The following PPM1B variants were observed in gnomAD, a reference collection of about 807,000 sequenced individuals.
The protein encoded by PPM1B is protein phosphatase 1B.
PPM1B carries 22 observed loss-of-function variants against 43.0 expected under a neutral mutation model. That is an observed-to-expected ratio of 0.51 (90% CI 0.37 to 0.73). The LOEUF (loss-of-function observed/expected upper bound fraction) is 0.73. Ranked by LOEUF, PPM1B falls within the 30% of genes least tolerant of loss-of-function variation. The pLI is 0.00. For synonymous variants in PPM1B, 217 were observed against 197.9 expected (o/e 1.10, Z -0.81); for missense variants, 632 against 584.2 (o/e 1.08, Z -0.84).
At chr2:44,190,906 G>C (rs1424988845) in intron 1 of PPM1B, among the ~76,000 whole-genome samples, 1 of 152,092 alleles carries the variant, frequency 6.6e-6, no homozygotes, top group Non-Finnish European at 1.5e-5. Context: ...ATGAACTGTT[G>C]TTATATCAGT....
chr2:44,221,046 G>C (rs1348700602), intron 5 of PPM1B, among the ~76,000 whole-genome samples: 1 of 152,132 alleles, frequency 6.6e-6, no homozygotes. Context: ...ACCACCTTAT[G>C]TTTAGAGCAT....
intron 5 of PPM1B, 82 bp from the exon 6 acceptor site, chr2:44,230,331 G>T: frequency 6.5e-7 from 1 of 1,542,346 alleles, no homozygotes; most frequent in Non-Finnish European, 8.7e-7. Flanking sequence ...AGAGAAATTA[G>T]TATTTTGCTG....
At chr2:44,217,901 G>T in intron 3 of PPM1B, 66 bp from the exon 4 acceptor site, 1 of 952,344 alleles carries the variant, frequency 1.1e-6, no homozygotes, top group Non-Finnish European at 1.5e-6. Flanking sequence ...AGTATCTCTT[G>T]TTTCACTTCT....
intron 1 of PPM1B, among the ~76,000 whole-genome samples, chr2:44,171,407 A>G (rs531123066): frequency 2.0e-5 from 3 of 152,348 alleles, no homozygotes; most frequent in South Asian, 2.1e-4. Flanking sequence ...GTTGAAAGTT[A>G]TCTTTTCTAT....
chr2:44,171,156 C>T (rs1667322658), intron 1 of PPM1B, among the ~76,000 whole-genome samples: 1 of 152,180 alleles, frequency 6.6e-6, no homozygotes. Flanking sequence ...TTTGAAGTGA[C>T]CAGCAGAGCT....
intron 2 of PPM1B, among the ~76,000 whole-genome samples, chr2:44,205,353 GGGTGT>G (rs1558411885): frequency 2.1e-5 from 3 of 139,818 alleles, no homozygotes; most frequent in East Asian, 2.1e-4. Context: ...GTGTGGGTGT[GGGTGT>G]GTGTGTGTGT....
At chr2:44,175,476 C>T (rs1449912263) in intron 1 of PPM1B, among the ~76,000 whole-genome samples, 3 of 152,090 alleles carry the variant, frequency 2.0e-5, no homozygotes, top group South Asian at 4.1e-4. Flanking sequence ...GTGCAAAGGC[C>T]CCCATTTCAT....
chr2:44,228,567 GT>G (rs888391288), intron 5 of PPM1B, among the ~76,000 whole-genome samples: 2 of 152,058 alleles, frequency 1.3e-5, no homozygotes, highest in African/African-American at 2.4e-5. Flanking sequence ...TGTTATCTTT[GT>G]TGCAAAAGTA....
chr2:44,230,632 A>G lies in PPM1B; in HGVS notation c.1354A>G (p.Ser452Gly). The part of the protein sequence containing the change: ...DAGNPVTMQE[S>G]HTESESGLAE... ...TGGAAACCCAGTGACAATGCAGGAA[A>G]GCCATACTGAATCAGAAAGTGGTCT... Residue 452 changes from serine (S) to glycine (G), a missense_variant, in exon 6 of 6, where the codon AGC (serine) becomes GGC (glycine). Around this residue, in one of 3 missense-constraint regions of PPM1B, gnomAD observed 392 missense variants for 302.7 expected, o/e 1.29. Coordinates refer to ENST00000282412, the MANE Select transcript of PPM1B (RefSeq NM_002706.6). 6.2e-7 allele frequency: 1 copy of G among 1,614,236 alleles called. No individual in the cohort carries two copies. Among genetic ancestry groups the G allele is most frequent in the Non-Finnish European group, 8.5e-7 (1 of 1,180,024 alleles).
At chr2:44,195,598 C>T (rs1049139593) in intron 1 of PPM1B, among the ~76,000 whole-genome samples, 1 of 152,074 alleles carries the variant, frequency 6.6e-6, no homozygotes, top group Non-Finnish European at 1.5e-5. Flanking sequence ...GATTGCTGGA[C>T]GCCAGGAGTT....
At chr2:44,238,104 T>A (rs1670667586), downstream of PPM1B, among the ~76,000 whole-genome samples, 1 of 151,958 alleles carries the variant, frequency 6.6e-6, no homozygotes, top group Non-Finnish European at 1.5e-5. Flanking sequence ...AGTTTCACCA[T>A]GTTGGCCAGG....
chr2:44,207,292 C>T (rs577675148), intron 2 of PPM1B, among the ~76,000 whole-genome samples: 38 of 152,234 alleles, frequency 2.5e-4, no homozygotes, highest in African/African-American at 8.9e-4. Context: ...AGATTCTAGT[C>T]ATAATAACTG....
intron 5 of PPM1B, among the ~76,000 whole-genome samples, chr2:44,228,079 C>T (rs1003658131): frequency 1.1e-4 from 17 of 150,938 alleles, no homozygotes; most frequent in Non-Finnish European, 1.8e-4. Flanking sequence ...CTTGCCACTG[C>T]GTGCTGCTAA....
At chr2:44,214,633 TC>T (rs1169172575) in intron 3 of PPM1B, among the ~76,000 whole-genome samples, 2 of 151,996 alleles carry the variant, frequency 1.3e-5, no homozygotes, top group Admixed American at 1.3e-4. Context: ...AGAGGAAGCA[TC>T]AACATAAGGG....
At chr2:44,187,899 C>T (rs948806390) in intron 1 of PPM1B, among the ~76,000 whole-genome samples, 4 of 152,024 alleles carry the variant, frequency 2.6e-5, no homozygotes, top group Non-Finnish European at 5.9e-5. Flanking sequence ...TACAGGTGCC[C>T]GCCACCATGC....
intron 1 of PPM1B, among the ~76,000 whole-genome samples, chr2:44,185,802 G>T (rs1343395604): frequency 2.0e-5 from 3 of 152,092 alleles, no homozygotes; most frequent in African/African-American, 7.2e-5. Flanking sequence ...ATGTTATTCA[G>T]CAATTATAAT....
intron 1 of PPM1B, among the ~76,000 whole-genome samples, chr2:44,194,239 C>T (rs903924066): frequency 6.6e-6 from 1 of 152,038 alleles, no homozygotes; most frequent in African/African-American, 2.4e-5. Flanking sequence ...TTAAGTGTAA[C>T]CCTGACAGCC....
chr2:44,217,310 A>G (rs1308729431), intron 3 of PPM1B, among the ~76,000 whole-genome samples: 1 of 151,862 alleles, frequency 6.6e-6, no homozygotes, highest in Non-Finnish European at 1.5e-5. Flanking sequence ...GAGGCAGGAG[A>G]ATTGCTTGAA....
At chr2:44,215,625 TG>T (rs1428488522) in intron 3 of PPM1B, among the ~76,000 whole-genome samples, 1 of 152,066 alleles carries the variant, frequency 6.6e-6, no homozygotes, top group Non-Finnish European at 1.5e-5. Flanking sequence ...ACTGGTCAGG[TG>T]GGAAAGGAAT....
Sources: allele counts gnomAD v4.1 joint callset (sites outside exome capture counted in the v4.1 genomes callset), GRCh38; gene constraint gnomAD v4.1.1; regional missense constraint gnomAD v4.1.1; transcripts MANE v1.5; gene names NCBI Gene and HGNC (gene_info 2026-07-23, HGNC 2026-07-21).